The following NPHP4 variants were observed in gnomAD, a reference collection of about 807,000 sequenced individuals.
NPHP4 encodes the protein nephrocystin-4.
Under a neutral mutation model 155.8 loss-of-function variants are expected in NPHP4, and 151 were observed. The ratio of observed to expected loss-of-function variants is 0.97; its 90% CI spans 0.85 to 1.11. NPHP4 has a LOEUF of 1.11. NPHP4 is among the 50% of genes least tolerant of loss of function. NPHP4 has a pLI of 0.00. For synonymous variants in NPHP4, 845 were observed against 816.8 expected (o/e 1.03, Z -0.59); for missense variants, 1,956 against 1,925.7 (o/e 1.02, Z -0.29).
chr1:5,892,146 G>A lies in NPHP4; in HGVS notation c.2144-1118C>T, dbSNP rs1218976437. On this transcript the variant is annotated intron_variant, in intron 16 of 29. Transcript: ENST00000378156. The surrounding 1 kb of genome is among the most constrained non-coding windows in gnomAD (Gnocchi z 4.5). ...ATGTCCCCAGTGTGGCACCTCAGAGGTGACCAGCCACACAGCCCCCACCCC... is the reference window on the plus strand; with the variant it reads ...ATGTCCCCAGTGTGGCACCTCAGAGATGACCAGCCACACAGCCCCCACCCC... Among the ~76,000 whole-genome samples, 1 of 152,196 alleles carries A rather than the reference G, an allele frequency of 6.6e-6. No homozygotes were observed.
In NPHP4 at chr1:5,937,240, G is replaced by A. The variant is rs184490191; in HGVS notation, c.1120-3911C>T. Among the ~76,000 whole-genome samples, 646 of 152,180 alleles carry A rather than the reference G, an allele frequency of 4.2e-3. 6 individuals carry two copies. The highest frequency in any genetic ancestry group is 0.014 in the African/African-American group (599 of 41,526). On this transcript the variant is annotated intron_variant, in intron 9 of 29. Coordinates refer to ENST00000378156, the MANE Select transcript of NPHP4 (RefSeq NM_015102.5). ...GGAGCTGGGCCCCACCACACCTGGGGTTTCCTGGGGAGAAACTTAGCCCTA... is the reference window on the plus strand; with the variant it reads ...GGAGCTGGGCCCCACCACACCTGGGATTTCCTGGGGAGAAACTTAGCCCTA...
Position 5,914,257 on chromosome 1 carries a change from C to CAAAAAAAAA in NPHP4, c.1442-5053_1442-5045dup, listed in dbSNP as rs575438284. ...GCAACATGGCAAAATCTTATCTATA[C>CAAAAAAAAA]AAAAAAAAAAAAAAAAAAAAAAAAA... On this transcript the variant is annotated intron_variant, in intron 11 of 29. Transcript: ENST00000378156. 2.3e-3 allele frequency among the ~76,000 whole-genome samples: 107 copies of CAAAAAAAAA among 47,382 alleles called. 20 individuals carry two copies. The highest frequency in any genetic ancestry group is 8.1e-3 in the East Asian group (9 of 1,108). The allele number at this position is 47,382 out of a possible 152,430, so 31.1% of individuals were successfully genotyped here. A position where few individuals can be genotyped will look rare whatever the true frequency, so the allele number is the denominator to read the frequency against.
chr1:5,959,637 T>C (rs1649932016), intron 6 of NPHP4, among the ~76,000 whole-genome samples: 1 of 152,192 alleles, frequency 6.6e-6, no homozygotes, highest in African/African-American at 2.4e-5. Flanking sequence ...GTAGTAAGAC[T>C]GACACAGCTG....
intron 10 of NPHP4, 107 bp from the exon 11 acceptor site, chr1:5,927,894 A>G: frequency 2.5e-6 from 3 of 1,195,802 alleles, no homozygotes; most frequent in Non-Finnish European, 3.5e-6. Flanking sequence ...AGTCTACGTG[A>G]AATCAGAGGC....
rs780517756 is a variant in NPHP4, at chr1:5,877,169, C to T, written c.2741G>A (p.Arg914His). 12 of 1,606,336 alleles carry T rather than the reference C, an allele frequency of 7.5e-6. No individual in the cohort carries two copies. Among genetic ancestry groups the T allele is most frequent in the Admixed American group, 5.0e-5 (3 of 59,460 alleles). ...VSRESDATRRRKLERMRSVRL... is the reference protein window; with the variant it reads ...VSRESDATRRHKLERMRSVRL... ...CACAGACCTCATCCGCTCCAGCTTA[C>T]GCCTGCGGGTGGCATCCGACTCGCG... The change falls in exon 20 of 30, where the codon CGT (arginine) becomes CAT (histidine). Residue 914 changes from arginine to histidine, a missense_variant. Arg to His is a conservative substitution (Grantham distance 29). Coordinates refer to ENST00000378156, the MANE Select transcript of NPHP4 (RefSeq NM_015102.5).
chr1:5,912,537 CAAAAAAAAAAAAAAAAAAGAA>C (rs1645239693), intron 11 of NPHP4, among the ~76,000 whole-genome samples: 1 of 77,902 alleles, frequency 1.3e-5, no homozygotes, highest in African/African-American at 3.9e-5. Context: ...GACTCCGTCT[CAAAAAAAAAAAAAAAAAAGAA>C]AAAAGAAAAA....
intron 10 of NPHP4, among the ~76,000 whole-genome samples, chr1:5,932,355 T>C (rs559451372): frequency 5.9e-5 from 9 of 152,348 alleles, no homozygotes; most frequent in Admixed American, 3.3e-4. Flanking sequence ...AACCTTGCCA[T>C]TGCTTTATCA....
intron 1 of NPHP4, among the ~76,000 whole-genome samples, chr1:5,987,996 G>C (rs1352134606): frequency 6.6e-6 from 1 of 152,240 alleles, no homozygotes; most frequent in East Asian, 1.9e-4. Flanking sequence ...GAGGGGCAGT[G>C]ATATAACGTG....
In NPHP4 at chr1:5,867,151, A is replaced by G; in HGVS notation, c.3473-36T>C. On this transcript the variant is annotated intron_variant, in intron 24 of 29. Transcript: ENST00000378156. This position sits in a 1 kb window ranked among gnomAD's most constrained non-coding sequence, Gnocchi z 4.1. ...GGAAATGTCAAAAAGAGTCTTCTCC[A>G]CAGCCCCAGCCTGTGTGGAGAAGGC... The G allele has an allele frequency of 6.6e-7, 1 of 1,519,756 alleles. No homozygotes were observed. The highest frequency in any genetic ancestry group is 9.0e-7 in the Non-Finnish European group (1 of 1,107,498). 94.1% of individuals were successfully genotyped at this position (1,519,756 alleles called of 1,614,324 possible). A position where few individuals can be genotyped will look rare whatever the true frequency, so the allele number is the denominator to read the frequency against.
At chr1:5,920,646 T>C (rs576969296) in intron 11 of NPHP4, among the ~76,000 whole-genome samples, 24 of 152,344 alleles carry the variant, frequency 1.6e-4, no homozygotes, top group African/African-American at 5.5e-4. Flanking sequence ...CCCCCAATCC[T>C]TGGCTATCCT....
chr1:5,939,606 A>G (rs1161077532), intron 9 of NPHP4, among the ~76,000 whole-genome samples: 1 of 152,148 alleles, frequency 6.6e-6, no homozygotes, highest in Non-Finnish European at 1.5e-5. Context: ...CACAGAGCCA[A>G]TGAACACTGG....
intron 11 of NPHP4, among the ~76,000 whole-genome samples, chr1:5,923,509 G>A (rs547197252): frequency 1.3e-5 from 2 of 152,262 alleles, no homozygotes; most frequent in East Asian, 1.9e-4. Flanking sequence ...AGTAGAGCGC[G>A]GATCAGGAAA....
At chr1:5,923,457 A>G (rs1570456821) in intron 11 of NPHP4, among the ~76,000 whole-genome samples, 3 of 152,200 alleles carry the variant, frequency 2.0e-5, no homozygotes, top group African/African-American at 7.2e-5. Context: ...CAGCACAGAG[A>G]GAGAATGCCA....
At chr1:5,864,206 C>T in intron 28 of NPHP4, 132 bp downstream of exon 28, 4 of 1,127,106 alleles carry the variant, frequency 3.5e-6, no homozygotes. Context: ...GGAGCAAACA[C>T]TCATGCACCC....
chr1:5,964,934 T>TAC (rs1651127562), intron 5 of NPHP4, among the ~76,000 whole-genome samples: 1 of 54,058 alleles, frequency 1.8e-5, no homozygotes, highest in Admixed American at 1.8e-4. Flanking sequence ...TATATATATA[T>TAC]ATATATATTT....
chr1:5,867,443 G>A lies in NPHP4; in HGVS notation c.3472+297C>T. On this transcript the variant is annotated intron_variant, in intron 24 of 29. Coordinates refer to ENST00000378156, the MANE Select transcript of NPHP4 (RefSeq NM_015102.5). The surrounding 1 kb of genome is among the most constrained non-coding windows in gnomAD (Gnocchi z 4.1). ...AAGGGGCACCTACCAGAAACACGCG[G>A]GCCGTCAGGTGAGGAGGTAGGTGTT... The A allele has an allele frequency of 1.8e-6, 1 of 550,644 alleles. No homozygotes were observed. The highest frequency in any genetic ancestry group is 3.2e-6 in the Non-Finnish European group (1 of 308,400). The allele number at this position is 550,644 out of a possible 1,614,324, so 34.1% of individuals were successfully genotyped here.
At position 5,944,358 on chromosome 1, in the gene NPHP4, G is replaced by A. The variant is rs192827359; in HGVS notation, c.1119+2746C>T. Among the ~76,000 whole-genome samples the A allele has an allele frequency of 2.6e-5, 4 of 152,322 alleles. No individual in the cohort carries two copies. The highest frequency in any genetic ancestry group is 6.5e-5 in the Admixed American group (1 of 15,310). On this transcript the variant is annotated intron_variant, in intron 9 of 29. Transcript: ENST00000378156. The surrounding 1 kb of genome is among the most constrained non-coding windows in gnomAD (Gnocchi z 4.3). ...TGCTCTGGGAGACACTGCTGCAGAC[G>A]GGGTGGCTGAGGTGGGAGGGCCCTG...
In NPHP4 at chr1:5,890,255, C is replaced by T. The variant is rs1644050996; in HGVS notation, c.2304+613G>A. 6.6e-6 allele frequency among the ~76,000 whole-genome samples: 1 copy of T among 152,090 alleles called. No individual in the cohort carries two copies. The highest frequency in any genetic ancestry group is 2.4e-5 in the African/African-American group (1 of 41,392). Reference sequence around the variant, plus strand: ...TGGCCTGAGAGAAGTCTCAGGACACCATGGTAGCGTGTGAAACTGGCCCCA... The same window carrying T: ...TGGCCTGAGAGAAGTCTCAGGACACTATGGTAGCGTGTGAAACTGGCCCCA... On this transcript the variant is annotated intron_variant, in intron 17 of 29. Coordinates refer to ENST00000378156, the MANE Select transcript of NPHP4 (RefSeq NM_015102.5). The surrounding 1 kb of genome is among the most constrained non-coding windows in gnomAD (Gnocchi z 4.9).
intron 18 of NPHP4, among the ~76,000 whole-genome samples, chr1:5,886,328 T>G (rs1286825589): frequency 6.6e-6 from 1 of 152,218 alleles, no homozygotes; most frequent in Non-Finnish European, 1.5e-5. Context: ...TAACGAGCTG[T>G]GCACTTGAGC....
Sources: allele counts gnomAD v4.1 joint callset (sites outside exome capture counted in the v4.1 genomes callset), GRCh38; gene constraint gnomAD v4.1.1; non-coding constraint Gnocchi (gnomAD v3.1); transcripts MANE v1.5; gene names NCBI Gene and HGNC (gene_info 2026-07-23, HGNC 2026-07-21).